Variants in CDC14A observed in about 807,000 individuals in gnomAD.
The protein encoded by CDC14A is cell division cycle 14A, also known as dual specificity protein phosphatase CDC14A.
Under a neutral mutation model 74.4 loss-of-function variants are expected in CDC14A, and 53 were observed. The ratio of observed to expected loss-of-function variants is 0.71; its 90% confidence interval spans 0.57 to 0.89. CDC14A has a LOEUF of 0.89. Among genes scored for constraint, CDC14A ranks in the 40% least tolerant of loss-of-function variants. CDC14A has a pLI of 0.00. For missense variants in CDC14A, 646 were observed against 713.7 expected, an observed-to-expected ratio of 0.91 and a Z score of 1.08; for synonymous variants, 247 against 258.4, an observed-to-expected ratio of 0.96 and a Z score of 0.43.
At chr1:100,451,248 T>C (rs1666116465) in intron 7 of CDC14A, among the ~76,000 whole-genome samples, 1 of 152,224 alleles carries the variant, frequency 6.6e-6, no homozygotes, top group African/African-American at 2.4e-5. Context: ...TTTTGCACCC[T>C]GCTGTTGTAC....
chr1:100,455,098 G>A (rs567847750), intron 7 of CDC14A, among the ~76,000 whole-genome samples: 2 of 152,202 alleles, frequency 1.3e-5, no homozygotes, highest in Admixed American at 1.3e-4. Context: ...GCCAAGACAA[G>A]CAATGTTTGT....
At chr1:100,357,007 G>C (rs1244944816) in intron 2 of CDC14A, among the ~76,000 whole-genome samples, 2 of 152,026 alleles carry the variant, frequency 1.3e-5, no homozygotes, top group African/African-American at 4.8e-5. Flanking sequence ...GGAAAAAGAG[G>C]GATCAAAGAA....
intron 8 of CDC14A, among the ~76,000 whole-genome samples, chr1:100,456,984 G>A (rs187853423): frequency 9.8e-5 from 15 of 152,324 alleles, no homozygotes; most frequent in African/African-American, 3.4e-4. Context: ...CATGTTGAGA[G>A]CCTGAGGAAA....
At chr1:100,478,171 T>C (rs1434136541) in intron 10 of CDC14A, among the ~76,000 whole-genome samples, 1 of 152,204 alleles carries the variant, frequency 6.6e-6, no homozygotes, top group East Asian at 1.9e-4. Context: ...AAATGTGTCT[T>C]CTATCAAACA....
chr1:100,432,773 A>G (rs1663854202), intron 5 of CDC14A, among the ~76,000 whole-genome samples: 1 of 152,228 alleles, frequency 6.6e-6, no homozygotes, highest in African/African-American at 2.4e-5. Flanking sequence ...AATTAAAATT[A>G]TACATGAGGC....
intron 15 of CDC14A, among the ~76,000 whole-genome samples, chr1:100,509,723 G>C (rs780338971): frequency 3.3e-5 from 5 of 152,228 alleles, no homozygotes; most frequent in Non-Finnish European, 4.4e-5. Flanking sequence ...TTTGGTAAAT[G>C]ACGCAGGCTC....
At position 100,499,340 on chromosome 1, in the gene CDC14A, G is replaced by T. The variant is rs779693570; in HGVS notation, c.1755+78G>T. On this transcript the variant is annotated intron_variant, in intron 15 of 15. Coordinates refer to ENST00000336454, the MANE Select transcript of CDC14A (RefSeq NM_003672.4). ...GTGCCTTGCCTTCCCAGCCGAGGCTGCCACCAAAGAAATTTAATAGTGCCA... is the reference window on the plus strand; with the variant it reads ...GTGCCTTGCCTTCCCAGCCGAGGCTTCCACCAAAGAAATTTAATAGTGCCA... The T allele has an allele frequency of 1.6e-5, 26 of 1,613,608 alleles. No homozygotes were observed. In the African/African-American group the frequency reaches 2.8e-4, roughly 17 times the overall value.
chr1:100,436,831 GTCTCT>G (rs1174020674), intron 5 of CDC14A, among the ~76,000 whole-genome samples: 1 of 151,990 alleles, frequency 6.6e-6, no homozygotes, highest in East Asian at 1.9e-4. Context: ...TTATTGTTTT[GTCTCT>G]TCTCTTATTC....
At chr1:100,491,082 G>T (rs1670566216) in intron 11 of CDC14A, among the ~76,000 whole-genome samples, 2 of 152,058 alleles carry the variant, frequency 1.3e-5, no homozygotes, top group Non-Finnish European at 2.9e-5. Flanking sequence ...TGTTGAGGCT[G>T]TTTATAGTGA....
chr1:100,399,048 GA>G (rs1658913268), intron 4 of CDC14A, among the ~76,000 whole-genome samples: 1 of 152,098 alleles, frequency 6.6e-6, no homozygotes, highest in Admixed American at 6.5e-5. Context: ...ATAATCTAAT[GA>G]GAAGATAGGG....
At chr1:100,494,717 T>C (rs1439154980) in intron 11 of CDC14A, 101 bp from the exon 12 acceptor site, 4 of 614,380 alleles carry the variant, frequency 6.5e-6, no homozygotes, top group African/African-American at 1.9e-5. Flanking sequence ...TTAATCTATA[T>C]TAAGATAATC....
chr1:100,430,186 T>G (rs1340162992), intron 5 of CDC14A, among the ~76,000 whole-genome samples: 1 of 152,238 alleles, frequency 6.6e-6, no homozygotes, highest in Non-Finnish European at 1.5e-5. Flanking sequence ...TAGCATTTTG[T>G]GGAACATTTT....
At chr1:100,462,174 A>G (rs140886428) in intron 8 of CDC14A, among the ~76,000 whole-genome samples, 1 of 152,342 alleles carries the variant, frequency 6.6e-6, no homozygotes, top group Non-Finnish European at 1.5e-5. Context: ...TGACTTGTAC[A>G]TAGTAGGTGC....
intron 4 of CDC14A, among the ~76,000 whole-genome samples, chr1:100,419,012 C>G (rs1183086387): frequency 6.6e-6 from 1 of 152,086 alleles, no homozygotes; most frequent in Admixed American, 6.6e-5. Flanking sequence ...TGGTGAAGGC[C>G]TGTCTCTACG....
At chr1:100,423,090 G>A (rs1311685191) in intron 4 of CDC14A, among the ~76,000 whole-genome samples, 1 of 152,150 alleles carries the variant, frequency 6.6e-6, no homozygotes, top group Non-Finnish European at 1.5e-5. Flanking sequence ...CATCGGCTCA[G>A]AATTAAAAAA....
intron 5 of CDC14A, among the ~76,000 whole-genome samples, chr1:100,432,888 C>T (rs1663879116): frequency 1.3e-5 from 2 of 151,906 alleles, no homozygotes; most frequent in African/African-American, 4.8e-5. Context: ...ATACTTTCTC[C>T]TTTATTTATT....
intron 15 of CDC14A, chr1:100,504,954 C>G (rs768474040): frequency 2.7e-5 from 41 of 1,512,040 alleles, no homozygotes; most frequent in Middle Eastern, 3.4e-4. Context: ...GGAATCCACC[C>G]TATAATTAAT....
intron 5 of CDC14A, among the ~76,000 whole-genome samples, chr1:100,428,514 T>A (rs700524): frequency 0.94 from 143,668 of 152,266 alleles, 67,854 homozygotes; most frequent in African/African-American, 0.98. Context: ...GAATTGACAA[T>A]CTAGGTATGA....
At chr1:100,463,530 G>T (rs893328542) in intron 9 of CDC14A, among the ~76,000 whole-genome samples, 1 of 152,268 alleles carries the variant, frequency 6.6e-6, no homozygotes, top group Non-Finnish European at 1.5e-5. Context: ...GACTATAGAA[G>T]GTTTAGGATT....
Sources: allele counts gnomAD v4.1 joint callset (sites outside exome capture counted in the v4.1 genomes callset), GRCh38; gene constraint gnomAD v4.1.1; transcripts MANE v1.5; gene names NCBI Gene and HGNC (gene_info 2026-07-23, HGNC 2026-07-21).